Variants in ACSBG2 observed in about 807,000 individuals in gnomAD.
ACSBG2 encodes the protein acyl-CoA synthetase bubblegum family member 2.
Under a neutral mutation model 74.7 loss-of-function variants are expected in ACSBG2, and 62 were observed. The ratio of observed to expected loss-of-function variants is 0.83; its 90% confidence interval spans 0.68 to 1.03. The LOEUF is 1.03. Among genes scored for constraint, ACSBG2 ranks in the 50% least tolerant of loss-of-function variants. The pLI, the probability that ACSBG2 is intolerant of heterozygous loss-of-function variation, is 0.00. For synonymous variants in ACSBG2, 309 were observed against 294.1 expected (o/e 1.05, Z -0.52); for missense variants, 730 against 817.6 (o/e 0.89, Z 1.31).
chr19:6,137,802 C>G (rs1480488820), intron 1 of ACSBG2, among the ~76,000 whole-genome samples: 1 of 151,982 alleles, frequency 6.6e-6, no homozygotes. Context: ...TGCCTGCCGC[C>G]GTGCCTGGCT....
intron 3 of ACSBG2, among the ~76,000 whole-genome samples, chr19:6,150,385 T>C (rs915781028): frequency 1.3e-5 from 2 of 150,700 alleles, no homozygotes; most frequent in Non-Finnish European, 1.5e-5. Flanking sequence ...GAAGAGTTAT[T>C]TGTAGACTCA....
At chr19:6,136,365 T>G (rs1375919275) in intron 1 of ACSBG2, among the ~76,000 whole-genome samples, 1 of 151,752 alleles carries the variant, frequency 6.6e-6, no homozygotes, top group Non-Finnish European at 1.5e-5. Context: ...GTGCTGGGAT[T>G]ACAGGCGTGA....
rs529959005 is a variant in ACSBG2 at position 6,177,482 on chromosome 19, T to A, written c.906+86T>A. On this transcript the variant is annotated intron_variant, in intron 8 of 14. Coordinates refer to ENST00000588485, the MANE Select transcript of ACSBG2 (RefSeq NM_030924.5). ...GATGGTTGTTAATCATTCGACAGAT[T>A]TTTTGGGTGAAGCCCCATGTCTAAC... The A allele has an allele frequency of 9.5e-5, 135 of 1,422,066 alleles. No homozygotes were observed. In the African/African-American group the frequency reaches 1.8e-3, roughly 19 times the overall value. 88.1% of individuals were successfully genotyped at this position (1,422,066 alleles called of 1,614,324 possible).
Position 6,192,906 on chromosome 19 carries a change from G to A in ACSBG2, c.*274G>A, listed in dbSNP as rs969695132. 11 of 152,290 alleles carry A rather than the reference G, an allele frequency of 7.2e-5. No homozygotes were observed. The highest frequency in any genetic ancestry group is 2.4e-4 in the African/African-American group (10 of 41,540). 9.4% of individuals were successfully genotyped at this position (152,290 alleles called of 1,614,324 possible). ...CCTATTGGGAAGTCTACTAAAAACT[G>A]CCTGATTTACAAGAAAGACCTGAAC... On this transcript the variant is annotated 3_prime_UTR_variant, in exon 15 of 15. Coordinates refer to ENST00000588485, the MANE Select transcript of ACSBG2 (RefSeq NM_030924.5).
At chr19:6,143,962 G>A (rs1239051098) in intron 2 of ACSBG2, among the ~76,000 whole-genome samples, 2 of 112,250 alleles carry the variant, frequency 1.8e-5, no homozygotes, top group South Asian at 3.0e-4. Flanking sequence ...TTTTTTTGTT[G>A]TTGTTTGGTT....
intron 5 of ACSBG2, among the ~76,000 whole-genome samples, chr19:6,159,853 T>C (rs2145108506): frequency 6.6e-6 from 1 of 152,300 alleles, no homozygotes; most frequent in Non-Finnish European, 1.5e-5. Flanking sequence ...CCTGGACTTT[T>C]TGTATCCCTC....
At chr19:6,167,143 A>G (rs1432232519) in intron 7 of ACSBG2, among the ~76,000 whole-genome samples, 1 of 152,226 alleles carries the variant, frequency 6.6e-6, no homozygotes, top group African/African-American at 2.4e-5. Flanking sequence ...AAGAATTTCT[A>G]TAAAAGCATT....
intron 2 of ACSBG2, among the ~76,000 whole-genome samples, chr19:6,145,194 C>T (rs2088984600): frequency 1.3e-5 from 2 of 152,092 alleles, no homozygotes; most frequent in South Asian, 2.1e-4. Flanking sequence ...GTGAGGAGAT[C>T]GAGACCATCT....
At chr19:6,186,292 C>CA (rs1229560099) in intron 11 of ACSBG2, among the ~76,000 whole-genome samples, 13 of 152,124 alleles carry the variant, frequency 8.5e-5, no homozygotes, top group Admixed American at 8.5e-4. Flanking sequence ...ATTTGTAGCA[C>CA]AAAAACAGCT....
Position 6,187,336 on chromosome 19 carries a change from T to G in ACSBG2, c.1594T>G (p.Leu532Val). The change falls in exon 12 of 15, where the codon TTG becomes GTG. Residue 532 changes from leucine (L) to valine (V), a missense_variant. Physicochemically the swap from Leu to Val is conservative, Grantham distance 32 (BLOSUM62 1). Transcript: ENST00000588485. Reference sequence around the variant, plus strand: ...TGTGCCCCCCATTCCTGTTGAGACCTTGGTTAAGAAGAAGATCCCCATCAT... The same window carrying G: ...TGTGCCCCCCATTCCTGTTGAGACCGTGGTTAAGAAGAAGATCCCCATCAT... ...ENVPPIPVET[L>V]VKKKIPIISN... 1 of 1,614,092 alleles carries G rather than the reference T, an allele frequency of 6.2e-7. No individual in the cohort carries two copies. The highest frequency in any genetic ancestry group is 1.1e-5 in the South Asian group (1 of 91,072).
chr19:6,183,351 T>C, intron 10 of ACSBG2, 79 bp downstream of exon 10: 2 of 1,274,042 alleles, frequency 1.6e-6, no homozygotes, highest in Non-Finnish European at 2.2e-6. Context: ...TAGATGGGCC[T>C]CTGGGTTAAG....
At position 6,151,793 on chromosome 19, in the gene ACSBG2, C is replaced by T. The variant is rs267605695; in HGVS notation, c.384C>T (p.Ala128=). 155 of 1,588,954 alleles carry T rather than the reference C, an allele frequency of 9.8e-5. 1 individual carries two copies. In the South Asian group the frequency reaches 1.0e-3, roughly 10 times the overall value. The change falls in exon 4 of 15, where the codon GCC becomes GCT. Residue 128 remains alanine, a splice_region_variant and synonymous_variant. Transcript: ENST00000588485. ...TCACTGCTGTTGGTGCCATCCTAGC[C>T]GGGTAAGGTCATTGGCTTGGTTCAT... ...WFITAVGAIL[A]GGLCVGIYAT...
In ACSBG2 at chr19:6,187,571, G is replaced by T. The variant is rs754374063; in HGVS notation, c.1681-28G>T. ...GGGAGGGGTGCTGGTCAAGGAGCAT[G>T]GGTGGTGACAGAGGTGTCTGGGGGC... On this transcript the variant is annotated intron_variant, in intron 12 of 14. Transcript: ENST00000588485. The T allele has an allele frequency of 7.4e-6, 12 of 1,613,468 alleles. No homozygotes were observed. The East Asian group carries it at 2.7e-4, about 36-fold the overall frequency.
chr19:6,158,309 G>A lies in ACSBG2; in HGVS notation c.507+1758G>A, dbSNP rs1047573320. Reference sequence around the variant, plus strand: ...CCTGACCTCGTGATCTGCCCGCCTCGGTCTCCCAAAGTGCTGGGATTACAG... The same window carrying A: ...CCTGACCTCGTGATCTGCCCGCCTCAGTCTCCCAAAGTGCTGGGATTACAG... On this transcript the variant is annotated intron_variant, in intron 5 of 14. Transcript: ENST00000588485. Among the ~76,000 whole-genome samples, 9 of 151,458 alleles carry A rather than the reference G, an allele frequency of 5.9e-5. No individual in the cohort carries two copies. The East Asian group carries it at 7.7e-4, about 13-fold the overall frequency.
At chr19:6,182,678 T>C (rs773306877) in intron 8 of ACSBG2, 73 bp from the exon 9 acceptor site, 11 of 1,440,994 alleles carry the variant, frequency 7.6e-6, no homozygotes, top group Non-Finnish European at 8.5e-6. Context: ...CAAAGTTGGG[T>C]GGATCAGGAG....
chr19:6,166,918 C>T (rs377374897), intron 7 of ACSBG2, among the ~76,000 whole-genome samples: 34 of 151,998 alleles, frequency 2.2e-4, no homozygotes, highest in East Asian at 9.7e-4. Flanking sequence ...GGATTACAGG[C>T]GTGAGCCACA....
rs767789465 is a variant in ACSBG2 at position 6,187,823 on chromosome 19, T to C, written c.1905T>C (p.Phe635=). The change falls in exon 13 of 15, where the codon TTT becomes TTC. Residue 635 remains phenylalanine, a synonymous_variant. Coordinates refer to ENST00000588485, the MANE Select transcript of ACSBG2 (RefSeq NM_030924.5). ...IEKWVILEKD[F]SIYGGELGPM... Reference sequence around the variant, plus strand: ...AGTGGGTCATCTTGGAGAAGGACTTTTCCATCTATGGTGGAGAGCTAGGTG... The same window carrying C: ...AGTGGGTCATCTTGGAGAAGGACTTCTCCATCTATGGTGGAGAGCTAGGTG... 9 of 1,614,056 alleles carry C rather than the reference T, an allele frequency of 5.6e-6. No individual in the cohort carries two copies. In the African/African-American group the frequency reaches 1.2e-4, roughly 22 times the overall value.
rs376088134 is a variant in ACSBG2 at position 6,157,304 on chromosome 19, C to T, written c.507+753C>T. 2.0e-4 allele frequency among the ~76,000 whole-genome samples: 30 copies of T among 151,528 alleles called. No homozygotes were observed. In the East Asian group the frequency reaches 3.8e-3, roughly 19 times the overall value. ...GGTGTGGTGGTTCATGCTTGTAATC[C>T]GGGCACTTTGGGAGGCCAAGGCAGG... is the stretch of plus-strand genomic sequence containing the variant. On this transcript the variant is annotated intron_variant, in intron 5 of 14. Coordinates refer to ENST00000588485, the MANE Select transcript of ACSBG2 (RefSeq NM_030924.5).
At chr19:6,140,019 C>T (rs1293084132) in intron 1 of ACSBG2, among the ~76,000 whole-genome samples, 4 of 151,938 alleles carry the variant, frequency 2.6e-5, no homozygotes, top group African/African-American at 7.2e-5. Flanking sequence ...GTCAGGAGAT[C>T]GAGACCATCC....
Sources: gnomAD v4.1 joint callset for allele counts (sites outside exome capture counted in the v4.1 genomes callset) on GRCh38, gnomAD v4.1.1 for gene constraint, MANE v1.5 for transcripts, NCBI Gene and HGNC (gene_info 2026-07-23, HGNC 2026-07-21) for gene names.